The following HEATR4 variants were observed in gnomAD, a reference collection of about 807,000 sequenced individuals.
HEATR4 encodes the protein HEAT repeat containing 4, also known as HEAT repeat-containing protein 4.
In HEATR4, 95 loss-of-function variants were observed where a neutral mutation model predicts 108.8. The ratio of observed to expected loss-of-function variants is 0.87; its 90% CI spans 0.74 to 1.04. The LOEUF is 1.04. Ranked by LOEUF, HEATR4 falls within the 50% of genes least tolerant of loss-of-function variation. The pLI is 0.00. For missense variants in HEATR4, 1,152 were observed against 1,253.8 expected, an observed-to-expected ratio of 0.92 and a Z score of 1.23; for synonymous variants, 443 against 459.4, an observed-to-expected ratio of 0.96 and a Z score of 0.46.
At chr14:73,504,145 T>C (rs1886660508) in intron 10 of HEATR4, among the ~76,000 whole-genome samples, 1 of 150,608 alleles carries the variant, frequency 6.6e-6, no homozygotes, top group African/African-American at 2.4e-5. Flanking sequence ...TGGCACGATC[T>C]CGGCTCACTG....
the HEATR4 span, among the ~76,000 whole-genome samples, chr14:73,625,849 A>G: frequency 6.6e-6 from 1 of 152,096 alleles, no homozygotes; most frequent in Admixed American, 6.6e-5. Context: ...CTGAGACAAA[A>G]CAATATTGGA....
the HEATR4 span, among the ~76,000 whole-genome samples, chr14:73,596,706 C>A: frequency 6.6e-6 from 1 of 151,978 alleles, no homozygotes; most frequent in Non-Finnish European, 1.5e-5. Flanking sequence ...TCAAGCGATT[C>A]TCCTGCCTCA....
chr14:73,556,064 A>C (rs2140321692), intron 1 of HEATR4, among the ~76,000 whole-genome samples: 1 of 114,986 alleles, frequency 8.7e-6, no homozygotes, highest in South Asian at 2.7e-4. Context: ...CTTTGACATA[A>C]AGAATCTTTA....
chr14:73,478,805 C>T lies in HEATR4; in HGVS notation c.2882G>A (p.Ser961Asn), dbSNP rs1885117349. 1.2e-6 allele frequency: 2 copies of T among 1,610,430 alleles called. No homozygotes were observed. The highest frequency in any genetic ancestry group is 2.2e-5 in the South Asian group (2 of 91,034). Residue 961 changes from serine to asparagine, a missense_variant, in exon 18 of 18, where the codon AGT becomes AAT. Physicochemically the swap from Ser to Asn is conservative, Grantham distance 46 (BLOSUM62 1). Coordinates refer to ENST00000553558, the MANE Select transcript of HEATR4 (RefSeq NM_001220484.1). ...TCGTGTGGTTAGGCCTGGGACTGAACTTTGTAACCAGGGATTTGGTGCGCG... is the reference window on the plus strand; with the variant it reads ...TCGTGTGGTTAGGCCTGGGACTGAATTTTGTAACCAGGGATTTGGTGCGCG... Reference protein sequence around the residue: ...KPRAPNPWLQSSVPGLTTRSK... With the variant: ...KPRAPNPWLQNSVPGLTTRSK...
At chr14:73,570,881 G>C in the HEATR4 span, among the ~76,000 whole-genome samples, 1 of 146,044 alleles carries the variant, frequency 6.8e-6, no homozygotes, top group African/African-American at 2.5e-5. Context: ...CTCCAGCCTG[G>C]GGGACAAGAG....
chr14:73,553,485 T>C (rs1479067469), intron 1 of HEATR4, among the ~76,000 whole-genome samples: 1 of 112,726 alleles, frequency 8.9e-6, no homozygotes, highest in African/African-American at 2.9e-5. Context: ...CACTCCAGCC[T>C]AGGCAACTGA....
intron 10 of HEATR4, among the ~76,000 whole-genome samples, chr14:73,504,274 G>A (rs1455687092): frequency 6.8e-6 from 1 of 146,300 alleles, no homozygotes; most frequent in Non-Finnish European, 1.5e-5. Flanking sequence ...ACGGAGCCTC[G>A]CTCTGTTGCC....
chr14:73,574,622 C>T, the HEATR4 span, among the ~76,000 whole-genome samples: 1 of 151,840 alleles, frequency 6.6e-6, no homozygotes. Flanking sequence ...GAATGGGTGG[C>T]TCAGGTGGGA....
chr14:73,573,317 A>G, the HEATR4 span: 45 of 1,602,190 alleles, frequency 2.8e-5, no homozygotes, highest in Middle Eastern at 3.3e-4. Flanking sequence ...TGGTAAGTAT[A>G]TGTTTAACTT....
the HEATR4 span, chr14:73,581,242 A>G: frequency 6.6e-6 from 1 of 151,670 alleles, no homozygotes; most frequent in African/African-American, 2.4e-5. Flanking sequence ...TATTGCTCAC[A>G]GTTTTGGAAG....
At chr14:73,569,298 A>G in the HEATR4 span, 3 of 1,613,790 alleles carry the variant, frequency 1.9e-6, no homozygotes, top group African/African-American at 4.0e-5. Flanking sequence ...GTCTGAATTC[A>G]AAATGGCCTC....
At chr14:73,490,221 G>A (rs935414414) in intron 17 of HEATR4, among the ~76,000 whole-genome samples, 1 of 152,184 alleles carries the variant, frequency 6.6e-6, no homozygotes, top group African/African-American at 2.4e-5. Context: ...CACCTCCCGA[G>A]TTCAAGCAAT....
At position 73,539,142 on chromosome 14, in the gene HEATR4, G is replaced by T. The variant is rs1220536959; in HGVS notation, c.-151-8898C>A. ...TAGGAGGTGCCAGGTGGCTGGGCCT[G>T]TGACAGTGCAGAGGTTTTGGTGCCT... On this transcript the variant is annotated intron_variant, in intron 1 of 17. Transcript: ENST00000553558. 4.4e-5 allele frequency: 5 copies of T among 114,286 alleles called. 2 individuals are homozygous for T. The highest frequency in any genetic ancestry group is 1.1e-4 in the African/African-American group (4 of 35,124). The allele number at this position is 114,286 out of a possible 1,614,324, so 7.1% of individuals were successfully genotyped here.
chr14:73,591,438 C>T, the HEATR4 span, among the ~76,000 whole-genome samples: 8 of 151,746 alleles, frequency 5.3e-5, no homozygotes, highest in Non-Finnish European at 1.2e-4. Flanking sequence ...CCCAGGTACT[C>T]GGGAGGCTGA....
Position 73,488,302 on chromosome 14 carries a change from G to A in HEATR4, c.2844+4764C>T, listed in dbSNP as rs181152052. ...TTGCTTTTGTTTGAGACGGAGTCTCGCTGTGTCGCCCAGGCTGGAGTGCAG... is the reference window on the plus strand; with the variant it reads ...TTGCTTTTGTTTGAGACGGAGTCTCACTGTGTCGCCCAGGCTGGAGTGCAG... On this transcript the variant is annotated intron_variant, in intron 17 of 17. Transcript: ENST00000553558. 3.4e-3 allele frequency among the ~76,000 whole-genome samples: 514 copies of A among 152,280 alleles called. 9 individuals carry two copies. The highest frequency in any genetic ancestry group is 0.03 in the Admixed American group (466 of 15,286).
At position 73,492,671 on chromosome 14, in the gene HEATR4, C is replaced by G; in HGVS notation, c.2844+395G>C. 1 of 1,613,982 alleles carries G rather than the reference C, an allele frequency of 6.2e-7. No individual in the cohort carries two copies. The highest frequency in any genetic ancestry group is 8.5e-7 in the Non-Finnish European group (1 of 1,179,876). The stretch of plus-strand genomic sequence containing the variant: ...AACAGAAACAGAAGTCCATATGCTT[C>G]AGGATGGGATAGCTCGGCTGGTGGG... On this transcript the variant is annotated intron_variant, in intron 17 of 17. Transcript: ENST00000553558. The surrounding 1 kb of genome is among the most constrained non-coding windows in gnomAD (Gnocchi z 4.9).
chr14:73,566,811 C>T, the HEATR4 span, among the ~76,000 whole-genome samples: 1 of 152,148 alleles, frequency 6.6e-6, no homozygotes, highest in Non-Finnish European at 1.5e-5. Flanking sequence ...AAGGGCTTCT[C>T]AAGTGCCGCC....
the HEATR4 span, chr14:73,567,742 A>G: frequency 3.9e-5 from 6 of 152,066 alleles, no homozygotes; most frequent in African/African-American, 1.2e-4. Context: ...CCGTGAAGGT[A>G]TACAGCTTCA....
the HEATR4 span, among the ~76,000 whole-genome samples, chr14:73,565,404 T>TC: frequency 6.6e-6 from 1 of 150,580 alleles, no homozygotes; most frequent in Non-Finnish European, 1.5e-5. Flanking sequence ...TTTTTTTTTT[T>TC]CTGAGGAGTC....
Sources: allele counts gnomAD v4.1 joint callset (sites outside exome capture counted in the v4.1 genomes callset), GRCh38; gene constraint gnomAD v4.1.1; non-coding constraint Gnocchi (gnomAD v3.1); transcripts MANE v1.5; gene names NCBI Gene and HGNC (gene_info 2026-07-23, HGNC 2026-07-21).